GPM6A: variants seen among roughly 807,000 people sequenced by gnomAD.
GPM6A encodes glycoprotein M6A.
GPM6A carries 7 observed loss-of-function variants against 32.1 expected under a neutral mutation model. That is an observed-to-expected ratio of 0.22 (90% CI 0.12 to 0.41). The LOEUF (loss-of-function observed/expected upper bound fraction) is 0.41, where lower values mean the gene tolerates loss of function less well. Ranked by LOEUF, GPM6A falls within the 10% of genes least tolerant of loss-of-function variation. The pLI, the probability that GPM6A is intolerant of heterozygous loss-of-function variation, is 1.00. For synonymous variants in GPM6A, 130 were observed against 123.4 expected, an observed-to-expected ratio of 1.05 and a Z score of -0.35; for missense variants, 235 against 347.2, an observed-to-expected ratio of 0.68 and a Z score of 2.57.
At chr4:175,794,577 G>GA (rs1296050818) in intron 1 of GPM6A, among the ~76,000 whole-genome samples, 2 of 152,114 alleles carry the variant, frequency 1.3e-5, no homozygotes, top group African/African-American at 4.8e-5. Context: ...CATAGAAATA[G>GA]AAAAAATGAA....
At chr4:175,809,625 G>T (rs1472548444) in intron 1 of GPM6A, among the ~76,000 whole-genome samples, 2 of 152,126 alleles carry the variant, frequency 1.3e-5, no homozygotes, top group African/African-American at 4.8e-5. Context: ...GCTGGTGGGT[G>T]AAGTCACCCA....
rs184937223 is a variant in GPM6A, at chr4:175,661,572, T to G, written c.388-9585A>C. Among the ~76,000 whole-genome samples the G allele has an allele frequency of 1.1e-4, 17 of 152,308 alleles. No individual in the cohort carries two copies. In the East Asian group the frequency reaches 1.5e-3, roughly 14 times the overall value. ...GGTGTTTCCATTGTTTGAAAGCATA[T>G]GATCCCTAAACCAGCATGTGAGTTT... On this transcript the variant is annotated intron_variant, in intron 3 of 6. Transcript: ENST00000393658.
At chr4:175,979,110 C>T (rs1740747930) in intron 1 of GPM6A, among the ~76,000 whole-genome samples, 1 of 152,106 alleles carries the variant, frequency 6.6e-6, no homozygotes, top group Non-Finnish European at 1.5e-5. Context: ...AGAATAGAAG[C>T]TCGTTTTTAC....
chr4:175,686,591 G>C (rs1743993453), intron 2 of GPM6A, among the ~76,000 whole-genome samples: 1 of 152,196 alleles, frequency 6.6e-6, no homozygotes. Flanking sequence ...GCAACCACCA[G>C]AGTCAGGAAC....
At chr4:175,952,799 A>C (rs1382977378) in intron 1 of GPM6A, among the ~76,000 whole-genome samples, 1 of 152,146 alleles carries the variant, frequency 6.6e-6, no homozygotes, top group African/African-American at 2.4e-5. Context: ...TAATCTCAGC[A>C]CTTTGGGAGG....
intron 1 of GPM6A, 103 bp downstream of exon 1, chr4:175,812,088 C>A: frequency 1.2e-6 from 1 of 858,998 alleles, no homozygotes; most frequent in Non-Finnish European, 1.8e-6. Flanking sequence ...AAAATGCCTT[C>A]CAAGAGAGAA....
intron 1 of GPM6A, chr4:175,798,736 C>T (rs1223964730): frequency 7.9e-5 from 12 of 152,122 alleles, no homozygotes; most frequent in Non-Finnish European, 8.8e-5. Context: ...CTGTTAGTCT[C>T]TTAATCCTGA....
intron 6 of GPM6A, among the ~76,000 whole-genome samples, chr4:175,636,492 A>G (rs956533290): frequency 1.3e-5 from 2 of 151,208 alleles, no homozygotes; most frequent in East Asian, 3.9e-4. Flanking sequence ...CCCCCAAATT[A>G]TTATTAAATA....
chr4:175,758,319 G>C (rs1732609512), intron 1 of GPM6A, among the ~76,000 whole-genome samples: 1 of 152,074 alleles, frequency 6.6e-6, no homozygotes, highest in Admixed American at 6.6e-5. Context: ...AGTGCCATAA[G>C]AAAATCAAGG....
intron 4 of GPM6A, among the ~76,000 whole-genome samples, chr4:175,650,270 TTTTATTTATTTATTTA>T (rs140528336): frequency 8.2e-4 from 117 of 143,130 alleles, no homozygotes; most frequent in Non-Finnish European, 1.2e-3. Context: ...GATTTCATTA[TTTTATTTATTTATTTA>T]TTTATTTATT....
chr4:175,906,505 T>C (rs967972093), intron 1 of GPM6A: 3 of 152,074 alleles, frequency 2.0e-5, no homozygotes, highest in African/African-American at 7.2e-5. Flanking sequence ...CTTATTTTTC[T>C]CTCCTCATTA....
intron 1 of GPM6A, among the ~76,000 whole-genome samples, chr4:175,931,367 T>C (rs1739032058): frequency 6.6e-6 from 1 of 152,154 alleles, no homozygotes; most frequent in Non-Finnish European, 1.5e-5. Flanking sequence ...CTAAAACACT[T>C]TTTGACACTT....
intron 4 of GPM6A, among the ~76,000 whole-genome samples, chr4:175,644,117 G>GTTTTTTT (rs1223083455): frequency 9.0e-6 from 1 of 110,774 alleles, no homozygotes; most frequent in African/African-American, 3.1e-5. Context: ...AAACTTTTCC[G>GTTTTTTT]TTTGTTTTTT....
At chr4:175,817,268 A>G (rs1735135998) in intron 1 of GPM6A, among the ~76,000 whole-genome samples, 1 of 152,262 alleles carries the variant, frequency 6.6e-6, no homozygotes, top group African/African-American at 2.4e-5. Flanking sequence ...AAAGCAGTCA[A>G]TTCACAGAAT....
chr4:175,979,985 T>G (rs1740774368), intron 1 of GPM6A, among the ~76,000 whole-genome samples: 1 of 152,200 alleles, frequency 6.6e-6, no homozygotes, highest in South Asian at 2.1e-4. Context: ...GTAATGAAAT[T>G]TATAACAGCT....
chr4:175,970,049 G>A (rs1042987981), intron 1 of GPM6A, among the ~76,000 whole-genome samples: 4 of 152,112 alleles, frequency 2.6e-5, no homozygotes, highest in African/African-American at 9.7e-5. Context: ...ACACAATGAC[G>A]CCGAAATATT....
At chr4:175,756,277 G>A (rs1732520811) in intron 1 of GPM6A, among the ~76,000 whole-genome samples, 1 of 152,028 alleles carries the variant, frequency 6.6e-6, no homozygotes, top group South Asian at 2.1e-4. Context: ...AGAATGCTCT[G>A]GAAGCTCTCT....
At chr4:175,861,577 C>G (rs966897744) in intron 1 of GPM6A, among the ~76,000 whole-genome samples, 1 of 151,584 alleles carries the variant, frequency 6.6e-6, no homozygotes, top group African/African-American at 2.4e-5. Context: ...CATGGCAAAA[C>G]TCCATCTCCA....
chr4:175,822,558 T>C (rs770050386), intron 1 of GPM6A, among the ~76,000 whole-genome samples: 3 of 152,194 alleles, frequency 2.0e-5, no homozygotes, highest in Non-Finnish European at 4.4e-5. Flanking sequence ...AACATATGCA[T>C]TGAAACAAAC....
Sources: allele counts gnomAD v4.1 joint callset (sites outside exome capture counted in the v4.1 genomes callset), GRCh38; gene constraint gnomAD v4.1.1; transcripts MANE v1.5; gene names NCBI Gene and HGNC (gene_info 2026-07-23, HGNC 2026-07-21).